Variants in CPNE4 observed in about 807,000 individuals in gnomAD.
CPNE4 encodes the protein copine 4.
CPNE4 carries 25 observed loss-of-function variants against 67.9 expected under a neutral mutation model. That is an observed-to-expected ratio of 0.37 (90% confidence interval 0.27 to 0.51). The LOEUF (loss-of-function observed/expected upper bound fraction) is 0.51. CPNE4 is among the 20% of genes least tolerant of loss of function. CPNE4 has a pLI of 0.93. For missense variants in CPNE4, 464 were observed against 690.8 expected (o/e 0.67, Z 3.68); for synonymous variants, 242 against 244.9 (o/e 0.99, Z 0.11).
intron 7 of CPNE4, among the ~76,000 whole-genome samples, chr3:131,643,743 A>G (rs1046104550): frequency 1.7e-4 from 26 of 152,008 alleles, no homozygotes; most frequent in African/African-American, 5.3e-4. Context: ...GGGGACTGTT[A>G]CCTCCATGCT....
chr3:131,568,124 T>G (rs539180935), intron 10 of CPNE4, among the ~76,000 whole-genome samples: 1 of 152,176 alleles, frequency 6.6e-6, no homozygotes, highest in African/African-American at 2.4e-5. Context: ...GTTCTCATGG[T>G]TTAATAAAAA....
At chr3:132,004,560 G>C (rs1246872731) in intron 1 of CPNE4, among the ~76,000 whole-genome samples, 1 of 151,874 alleles carries the variant, frequency 6.6e-6, no homozygotes, top group Admixed American at 6.6e-5. Flanking sequence ...TGATGAAAAA[G>C]GTTTTCACAC....
At chr3:131,613,435 G>A (rs1438166342) in intron 7 of CPNE4, among the ~76,000 whole-genome samples, 1 of 152,166 alleles carries the variant, frequency 6.6e-6, no homozygotes, top group African/African-American at 2.4e-5. Flanking sequence ...TTCTCAGCAT[G>A]AGTTTCCAAG....
intron 7 of CPNE4, among the ~76,000 whole-genome samples, chr3:131,603,044 T>G (rs1939295544): frequency 6.6e-6 from 1 of 152,036 alleles, no homozygotes; most frequent in Non-Finnish European, 1.5e-5. Flanking sequence ...ACAATTTTTT[T>G]GGGTTTAGGA....
chr3:131,849,420 T>C (rs527443871), intron 2 of CPNE4, among the ~76,000 whole-genome samples: 1 of 152,102 alleles, frequency 6.6e-6, no homozygotes, highest in South Asian at 2.1e-4. Context: ...CAGGAATGTT[T>C]TACATGGCCA....
At position 131,978,205 on chromosome 3, in the gene CPNE4, A is replaced by G. The variant is rs1290090558; in HGVS notation, c.-2+56362T>C. On this transcript the variant is annotated intron_variant, in intron 1 of 15. Transcript: ENST00000429747. ...TATATAATATATTTATAATTATTAT[A>G]TATAATATATATAATAAATTTACAT... Among the ~76,000 whole-genome samples, 174 of 48,294 alleles carry G rather than the reference A, an allele frequency of 3.6e-3. 23 individuals carry two copies. The Admixed American group carries it at 0.068, about 19-fold the overall frequency. 31.7% of individuals were successfully genotyped at this position (48,294 alleles called of 152,430 possible). A position where few individuals can be genotyped will look rare whatever the true frequency, so the allele number is the denominator to read the frequency against.
chr3:131,785,840 T>G (rs1477920033), intron 2 of CPNE4, among the ~76,000 whole-genome samples: 1 of 152,118 alleles, frequency 6.6e-6, no homozygotes, highest in African/African-American at 2.4e-5. Flanking sequence ...TGCCAAGACC[T>G]TAAGGAAGCC....
At chr3:131,549,858 T>C (rs1425305465) in intron 14 of CPNE4, 89 bp downstream of exon 14, 1 of 1,450,542 alleles carries the variant, frequency 6.9e-7, no homozygotes, top group Admixed American at 1.8e-5. Flanking sequence ...AGTGTTGGAA[T>C]TTATTGTTAG....
chr3:131,723,791 G>A (rs1403005689), intron 2 of CPNE4, among the ~76,000 whole-genome samples, 166 bp from the exon 3 acceptor site: 1 of 152,214 alleles, frequency 6.6e-6, no homozygotes, highest in African/African-American at 2.4e-5. Context: ...TACCTTCAGA[G>A]AATGAGACGA....
intron 2 of CPNE4, among the ~76,000 whole-genome samples, chr3:131,897,329 T>C (rs554386429): frequency 3.1e-4 from 47 of 152,246 alleles, no homozygotes; most frequent in Admixed American, 3.1e-3. Context: ...GAGTGGGTTA[T>C]CACAGTCCCT....
rs575278218 is a variant in CPNE4 at position 131,767,609 on chromosome 3, GA to G, written c.181-43985del. On this transcript the variant is annotated intron_variant, in intron 2 of 15. Coordinates refer to ENST00000429747, the MANE Select transcript of CPNE4 (RefSeq NM_130808.3). ...GTTCATGCTTCATCATACCTGAAAG[GA>G]AAAAAAGCCCCAGCCACAATTTTTT... Among the ~76,000 whole-genome samples the G allele has an allele frequency of 2.8e-4, 42 of 151,702 alleles. No individual in the cohort carries two copies. In the South Asian group the frequency reaches 6.2e-3, roughly 23 times the overall value.
chr3:131,888,497 A>C (rs996132915), intron 2 of CPNE4, among the ~76,000 whole-genome samples: 3 of 152,218 alleles, frequency 2.0e-5, no homozygotes, highest in African/African-American at 7.2e-5. Flanking sequence ...AGGGAGTTGA[A>C]CATTTCTGAT....
chr3:131,705,154 C>T (rs1431894771), intron 3 of CPNE4, among the ~76,000 whole-genome samples: 1 of 151,082 alleles, frequency 6.6e-6, no homozygotes, highest in Non-Finnish European at 1.5e-5. Context: ...TCAAGCTCTA[C>T]ATGAGAAGTT....
intron 11 of CPNE4, among the ~76,000 whole-genome samples, chr3:131,557,332 C>T (rs1936514535): frequency 6.6e-6 from 1 of 152,060 alleles, no homozygotes; most frequent in African/African-American, 2.4e-5. Flanking sequence ...TTAGGGCTCA[C>T]TGTCCTAAAC....
At chr3:131,675,510 T>A (rs934953763) in intron 6 of CPNE4, among the ~76,000 whole-genome samples, 2 of 152,188 alleles carry the variant, frequency 1.3e-5, no homozygotes, top group African/African-American at 4.8e-5. Context: ...GGTGCACATG[T>A]ATTTACAACT....
intron 2 of CPNE4, among the ~76,000 whole-genome samples, chr3:131,854,362 G>A (rs928890490): frequency 6.6e-6 from 1 of 151,844 alleles, no homozygotes; most frequent in African/African-American, 2.4e-5. Flanking sequence ...TCTTGAGGAA[G>A]AAGAGCTTGT....
At chr3:131,964,655 G>A (rs1192118888) in intron 1 of CPNE4, among the ~76,000 whole-genome samples, 1 of 151,620 alleles carries the variant, frequency 6.6e-6, no homozygotes, top group Non-Finnish European at 1.5e-5. Flanking sequence ...GGCATAAAGG[G>A]TAAAGACAAG....
rs141725117 is a variant in CPNE4, at chr3:131,794,380, C to T, written c.181-70755G>A. Among the ~76,000 whole-genome samples, 13 of 152,082 alleles carry T rather than the reference C, an allele frequency of 8.5e-5. No homozygotes were observed. The East Asian group carries it at 2.5e-3, about 29-fold the overall frequency. ...CTGCCTCAGCCTCCTGAGTAGTTGG[C>T]ACTACAGGCGCGCATCACCATGCCC... On this transcript the variant is annotated intron_variant, in intron 2 of 15. Transcript: ENST00000429747.
chr3:131,948,320 A>G (rs1225022), intron 1 of CPNE4, among the ~76,000 whole-genome samples: 12,103 of 152,212 alleles, frequency 0.08, 625 homozygotes, highest in Admixed American at 0.16. Context: ...TAAGGGTCTA[A>G]CATTTCCCCT....
Sources: gnomAD v4.1 joint callset for allele counts (sites outside exome capture counted in the v4.1 genomes callset) on GRCh38, gnomAD v4.1.1 for gene constraint, MANE v1.5 for transcripts, NCBI Gene and HGNC (gene_info 2026-07-23, HGNC 2026-07-21) for gene names.